Variants in LGSN observed in about 807,000 individuals in gnomAD.
The protein encoded by LGSN is lengsin, lens protein with glutamine synthetase domain.
Under a neutral mutation model 19.5 loss-of-function variants are expected in LGSN, and 21 were observed. The ratio of observed to expected loss-of-function variants is 1.07; its 90% CI spans 0.76 to 1.55. The LOEUF (loss-of-function observed/expected upper bound fraction) is 1.55. Ranked by LOEUF, LGSN falls within the 40% of genes most tolerant of loss-of-function variation. LGSN has a pLI of 0.00. For synonymous variants in LGSN, 257 were observed against 215.6 expected, an observed-to-expected ratio of 1.19 and a Z score of -1.68; for missense variants, 673 against 608.5, an observed-to-expected ratio of 1.11 and a Z score of -1.12.
chr6:63,495,690 T>A, the LGSN span, among the ~76,000 whole-genome samples: 3 of 151,900 alleles, frequency 2.0e-5, no homozygotes, highest in Admixed American at 2.0e-4. Flanking sequence ...CCTCAAGAGA[T>A]CTGCCCGTCT....
At chr6:63,517,852 G>A in the LGSN span, among the ~76,000 whole-genome samples, 1 of 151,944 alleles carries the variant, frequency 6.6e-6, no homozygotes, top group Non-Finnish European at 1.5e-5. Context: ...AGAATCCATT[G>A]ACACATAAAA....
the LGSN span, among the ~76,000 whole-genome samples, chr6:63,366,445 G>C: frequency 1.5e-3 from 222 of 152,192 alleles, no homozygotes; most frequent in African/African-American, 5.0e-3. Flanking sequence ...AAAGAGGACA[G>C]AAACAAATGG....
the LGSN span, chr6:63,549,023 A>G: frequency 4.1e-6 from 3 of 727,884 alleles, no homozygotes; most frequent in Non-Finnish European, 7.5e-6. Flanking sequence ...GCTCGATGGG[A>G]TCCACGTCGT....
At chr6:63,409,234 T>C in the LGSN span, among the ~76,000 whole-genome samples, 1 of 152,328 alleles carries the variant, frequency 6.6e-6, no homozygotes, top group South Asian at 2.1e-4. Flanking sequence ...TGTAATGTCA[T>C]AAATACATGA....
the LGSN span, among the ~76,000 whole-genome samples, chr6:63,381,092 C>G: frequency 6.6e-6 from 1 of 152,142 alleles, no homozygotes; most frequent in Non-Finnish European, 1.5e-5. Context: ...GTCTCAGCTA[C>G]TCAGGAGACT....
intron 1 of LGSN, among the ~76,000 whole-genome samples, chr6:63,304,638 A>G (rs1354057401): frequency 1.3e-5 from 2 of 152,190 alleles, no homozygotes; most frequent in Non-Finnish European, 2.9e-5. Flanking sequence ...ATTAATAGGA[A>G]CTAATAGGAA....
chr6:63,450,497 A>G, the LGSN span, among the ~76,000 whole-genome samples: 1 of 151,738 alleles, frequency 6.6e-6, no homozygotes, highest in Middle Eastern at 3.4e-3. Flanking sequence ...GTGAGCCAAG[A>G]CTGTGCCACT....
the LGSN span, among the ~76,000 whole-genome samples, chr6:63,326,749 G>A: frequency 3.0e-3 from 450 of 152,322 alleles, 3 homozygotes; most frequent in African/African-American, 0.01. Context: ...TGCTTTGAGT[G>A]CAGGGCCTGC....
At chr6:63,387,789 C>A in the LGSN span, among the ~76,000 whole-genome samples, 1 of 151,574 alleles carries the variant, frequency 6.6e-6, no homozygotes, top group African/African-American at 2.4e-5. Context: ...CAGGCTCAAG[C>A]CATCCTCCGA....
chr6:63,492,482 A>G, the LGSN span, among the ~76,000 whole-genome samples: 1 of 152,374 alleles, frequency 6.6e-6, no homozygotes, highest in East Asian at 1.9e-4. Context: ...CTGTTGTTAC[A>G]TGTTTAAAGC....
the LGSN span, among the ~76,000 whole-genome samples, chr6:63,455,187 G>A: frequency 2.6e-5 from 4 of 152,158 alleles, no homozygotes; most frequent in Admixed American, 1.3e-4. Flanking sequence ...ATAGCTCAGC[G>A]CATTCTGAGC....
the LGSN span, among the ~76,000 whole-genome samples, chr6:63,538,813 C>T: frequency 6.6e-6 from 1 of 152,182 alleles, no homozygotes; most frequent in Non-Finnish European, 1.5e-5. Flanking sequence ...GCCAATTTTG[C>T]ATTTCTAACA....
the LGSN span, among the ~76,000 whole-genome samples, chr6:63,492,077 C>G: frequency 6.6e-6 from 1 of 151,876 alleles, no homozygotes; most frequent in African/African-American, 2.4e-5. Context: ...CATTCTGGTT[C>G]TACTTCAAAT....
chr6:63,556,187 ATT>A, the LGSN span, among the ~76,000 whole-genome samples: 1 of 152,094 alleles, frequency 6.6e-6, no homozygotes, highest in East Asian at 1.9e-4. Flanking sequence ...TGATTTATTT[ATT>A]TTGAGACAGG....
At chr6:63,366,746 A>G in the LGSN span, among the ~76,000 whole-genome samples, 6 of 152,350 alleles carry the variant, frequency 3.9e-5, no homozygotes, top group South Asian at 6.2e-4. Context: ...ACATAGATAT[A>G]GACCAATGGA....
the LGSN span, chr6:63,550,432 A>G: frequency 6.6e-6 from 1 of 152,122 alleles, no homozygotes; most frequent in African/African-American, 2.4e-5. Flanking sequence ...GGGTGAAGCT[A>G]CAAAAATTGA....
chr6:63,508,370 G>T, the LGSN span, among the ~76,000 whole-genome samples: 1 of 151,896 alleles, frequency 6.6e-6, no homozygotes, highest in Non-Finnish European at 1.5e-5. Flanking sequence ...TTAAAATTTT[G>T]CATTATGTAA....
chr6:63,452,033 A>G, the LGSN span, among the ~76,000 whole-genome samples: 1 of 148,936 alleles, frequency 6.7e-6, no homozygotes, highest in Admixed American at 6.8e-5. Context: ...TATGAGAAAT[A>G]TTAGAATTTT....
chr6:63,365,315 G>A, the LGSN span, among the ~76,000 whole-genome samples: 768 of 152,136 alleles, frequency 5.0e-3, 3 homozygotes, highest in African/African-American at 0.017. Context: ...ACACCTCCAC[G>A]CAAATAAACT....
Sources: gnomAD v4.1 joint callset for allele counts (sites outside exome capture counted in the v4.1 genomes callset) on GRCh38, gnomAD v4.1.1 for gene constraint, MANE v1.5 for transcripts, NCBI Gene and HGNC (gene_info 2026-07-23, HGNC 2026-07-21) for gene names.